The following SH3RF2 variants were observed in gnomAD, a reference collection of about 807,000 sequenced individuals.
SH3RF2 encodes SH3 domain containing ring finger 2.
Under a neutral mutation model 59.0 loss-of-function variants are expected in SH3RF2, and 43 were observed. The ratio of observed to expected loss-of-function variants is 0.73; its 90% CI spans 0.57 to 0.94. The LOEUF (loss-of-function observed/expected upper bound fraction) is 0.94. SH3RF2 is among the 40% of genes least tolerant of loss of function. The pLI, the probability that SH3RF2 is intolerant of heterozygous loss-of-function variation, is 0.00. For missense variants in SH3RF2, 930 were observed against 940.1 expected (o/e 0.99, Z 0.14); for synonymous variants, 391 against 391.5 (o/e 1.00, Z 0.01).
chr5:145,996,990 A>G lies in SH3RF2; in HGVS notation c.379-3068A>G, dbSNP rs371913740. 5.3e-5 allele frequency among the ~76,000 whole-genome samples: 8 copies of G among 152,328 alleles called. No homozygotes were observed. The East Asian group carries it at 9.7e-4, about 18-fold the overall frequency. On this transcript the variant is annotated intron_variant, in intron 2 of 9. Transcript: ENST00000359120. ...AGGAAGTGCTCGGTAATTAGTTATT[A>G]ATGTTATGTAGGTGTCGTCTGAAAA...
intron 2 of SH3RF2, among the ~76,000 whole-genome samples, chr5:145,970,612 C>T (rs1234068135): frequency 1.3e-5 from 2 of 152,088 alleles, no homozygotes; most frequent in African/African-American, 4.8e-5. Flanking sequence ...TGTTATGATG[C>T]AACAAAAAGG....
intron 5 of SH3RF2, among the ~76,000 whole-genome samples, chr5:146,041,562 T>C (rs1434582979): frequency 2.0e-5 from 3 of 152,180 alleles, no homozygotes; most frequent in African/African-American, 7.2e-5. Flanking sequence ...TTTAACTTTA[T>C]AAAGTCAGAT....
intron 5 of SH3RF2, among the ~76,000 whole-genome samples, chr5:146,036,697 A>C (rs1460732792): frequency 6.6e-6 from 1 of 152,200 alleles, no homozygotes; most frequent in African/African-American, 2.4e-5. Context: ...TCTATCTAAA[A>C]AAAAGAGAAA....
Position 145,951,578 on chromosome 5 carries a change from G to A in SH3RF2, c.378+13272G>A, listed in dbSNP as rs144914763. Among the ~76,000 whole-genome samples, 324 of 152,252 alleles carry A rather than the reference G, an allele frequency of 2.1e-3. 3 individuals carry two copies. Among genetic ancestry groups the A allele is most frequent in the African/African-American group, 7.6e-3 (316 of 41,534 alleles). On this transcript the variant is annotated intron_variant, in intron 2 of 9. Coordinates refer to ENST00000359120, the MANE Select transcript of SH3RF2 (RefSeq NM_152550.4). ...AGTCCTCTCACTGACTTCCCACTGA[G>A]AGGCCCACACAACCAGTCCATTTGA...
intron 5 of SH3RF2, among the ~76,000 whole-genome samples, chr5:146,019,160 T>C (rs932100600): frequency 1.3e-5 from 2 of 152,084 alleles, no homozygotes; most frequent in Non-Finnish European, 2.9e-5. Context: ...TTTGCTTTTG[T>C]GGTCTTAGTC....
At chr5:145,972,036 G>T (rs1240714840) in intron 2 of SH3RF2, among the ~76,000 whole-genome samples, 1 of 152,074 alleles carries the variant, frequency 6.6e-6, no homozygotes, top group Non-Finnish European at 1.5e-5. Flanking sequence ...ACTGGGCCAA[G>T]GTCAGCAGCT....
In SH3RF2 at chr5:146,012,680, T is replaced by G. The variant is rs549374377; in HGVS notation, c.745-1067T>G. 1.7e-4 allele frequency among the ~76,000 whole-genome samples: 26 copies of G among 152,276 alleles called. No homozygotes were observed. In the South Asian group the frequency reaches 5.2e-3, roughly 30 times the overall value. On this transcript the variant is annotated intron_variant, in intron 4 of 9. Transcript: ENST00000359120. ...AAAATTTAGGTAATCATCCTAAAAT[T>G]TAAGAGTTATTGCACTAACTCTTGT...
chr5:146,059,883 C>A lies in SH3RF2; in HGVS notation c.1573C>A (p.Pro525Thr), dbSNP rs777926980. The A allele has an allele frequency of 6.7e-7, 1 of 1,492,194 alleles. No homozygotes were observed. The allele number at this position is 1,492,194 out of a possible 1,614,324, so 92.4% of individuals were successfully genotyped here. A position where few individuals can be genotyped will look rare whatever the true frequency, so the allele number is the denominator to read the frequency against. The change falls in exon 9 of 10, where the codon CCC becomes ACC. Residue 525 changes from proline to threonine, a missense_variant. Pro to Thr is a conservative substitution (Grantham distance 38, BLOSUM62 -1). Transcript: ENST00000359120. ...TTCCCCAGATGGATCCCTGCAGAGA[C>A]CCCTCCAGTCCGGGATCCCCACTCT... ...SMRKNGSLQR[P>T]LQSGIPTLVV...
At chr5:146,015,976 T>C (rs1288158796) in intron 5 of SH3RF2, among the ~76,000 whole-genome samples, 4 of 152,192 alleles carry the variant, frequency 2.6e-5, no homozygotes, top group Non-Finnish European at 5.9e-5. Flanking sequence ...TTCTTCCCTT[T>C]TCTCTAACAT....
chr5:145,999,997 T>A, intron 2 of SH3RF2, 61 bp from the exon 3 acceptor site: 1 of 1,557,570 alleles, frequency 6.4e-7, no homozygotes, highest in Non-Finnish European at 8.6e-7. Context: ...GGAATGCTTG[T>A]ATCTTCTGTT....
chr5:146,062,142 C>A (rs951298945), intron 9 of SH3RF2, among the ~76,000 whole-genome samples: 7 of 152,100 alleles, frequency 4.6e-5, no homozygotes, highest in African/African-American at 7.2e-5. Flanking sequence ...TTTTTATAGG[C>A]GGCGGCCTAC....
rs1554120847 is a variant in SH3RF2, at chr5:146,057,984, C to CTATCTATA, written c.1555+1774_1555+1775insCTATATAT. On this transcript the variant is annotated intron_variant, in intron 8 of 9. Transcript: ENST00000359120. ...TCTCTCTCTCTATCTATCTATCTAT[C>CTATCTATA]TATATATATATATTTGATTTAAAAA... is the stretch of plus-strand genomic sequence containing the variant. Among the ~76,000 whole-genome samples, 1,303 of 145,766 alleles carry CTATCTATA rather than the reference C, an allele frequency of 8.9e-3. 24 individuals are homozygous for CTATCTATA. Among genetic ancestry groups the CTATCTATA allele is most frequent in the African/African-American group, 0.033 (1,236 of 37,710 alleles).
At chr5:146,041,725 T>A (rs2150010583) in intron 5 of SH3RF2, among the ~76,000 whole-genome samples, 1 of 151,836 alleles carries the variant, frequency 6.6e-6, no homozygotes, top group Non-Finnish European at 1.5e-5. Flanking sequence ...GGCCCAGGAG[T>A]TGGAGACCAG....
intron 2 of SH3RF2, among the ~76,000 whole-genome samples, chr5:145,957,655 T>A (rs1290187287): frequency 6.6e-6 from 1 of 151,914 alleles, no homozygotes; most frequent in African/African-American, 2.4e-5. Context: ...AAACCTGGAT[T>A]TGGCCAAAGC....
intron 5 of SH3RF2, among the ~76,000 whole-genome samples, chr5:146,029,342 C>A (rs912882851): frequency 2.0e-5 from 3 of 152,178 alleles, no homozygotes; most frequent in African/African-American, 7.2e-5. Flanking sequence ...ATCTCACATG[C>A]TAACTCAATT....
intron 9 of SH3RF2, 107 bp downstream of exon 9, chr5:146,060,331 C>A (rs1233515208): frequency 2.3e-5 from 25 of 1,073,366 alleles, no homozygotes; most frequent in Non-Finnish European, 2.8e-5. Flanking sequence ...AAAATTGCAG[C>A]CTCGAAAGAA....
intron 5 of SH3RF2, among the ~76,000 whole-genome samples, chr5:146,044,757 C>T (rs1267721070): frequency 1.3e-5 from 2 of 152,160 alleles, no homozygotes; most frequent in Non-Finnish European, 2.9e-5. Context: ...CCCCTCACCC[C>T]TCTTCTTCAT....
chr5:145,988,909 C>G (rs1284721904), intron 2 of SH3RF2, among the ~76,000 whole-genome samples: 1 of 152,168 alleles, frequency 6.6e-6, no homozygotes, highest in Non-Finnish European at 1.5e-5. Flanking sequence ...AATATTTACT[C>G]TATTTCCCCC....
rs1344690258 is a variant in SH3RF2 at position 145,964,301 on chromosome 5, TTC to T, written c.378+25996_378+25997del. Among the ~76,000 whole-genome samples, 938 of 140,160 alleles carry T rather than the reference TTC, an allele frequency of 6.7e-3. 10 individuals carry two copies. Among genetic ancestry groups the T allele is most frequent in the African/African-American group, 0.025 (895 of 35,442 alleles). 92.0% of individuals were successfully genotyped at this position (140,160 alleles called of 152,430 possible). ...CTTCCTTCCTTCCTTCCTTCCTTCC[TTC>T]CTTTCTTTCTTTTTTTTTTTTTTGA... On this transcript the variant is annotated intron_variant, in intron 2 of 9. Coordinates refer to ENST00000359120, the MANE Select transcript of SH3RF2 (RefSeq NM_152550.4).
Sources: gnomAD v4.1 joint callset for allele counts (sites outside exome capture counted in the v4.1 genomes callset) on GRCh38, gnomAD v4.1.1 for gene constraint, MANE v1.5 for transcripts, NCBI Gene and HGNC (gene_info 2026-07-23, HGNC 2026-07-21) for gene names.